The following WIPF1 variants were observed in gnomAD, a reference collection of about 807,000 sequenced individuals.
WIPF1 encodes WAS/WASL interacting protein family member 1, also known as WAS/WASL-interacting protein family member 1.
In WIPF1, 13 loss-of-function variants were observed where a neutral mutation model predicts 35.4. The observed-to-expected ratio is 0.37, with a 90% confidence interval of 0.24 to 0.58. WIPF1 has a LOEUF of 0.58. Among genes scored for constraint, WIPF1 ranks in the 20% least tolerant of loss-of-function variants. The pLI is 0.74. For missense variants in WIPF1, 591 were observed against 667.0 expected (o/e 0.89, Z 1.25); for synonymous variants, 267 against 266.3 (o/e 1.00, Z -0.02).
chr2:174,634,359 C>G (rs549851217), intron 1 of WIPF1, among the ~76,000 whole-genome samples: 6 of 152,312 alleles, frequency 3.9e-5, no homozygotes, highest in African/African-American at 1.4e-4. Flanking sequence ...GTTTGTTCCT[C>G]TAACAACGTG....
chr2:174,565,059 C>T (rs748351673), intron 7 of WIPF1, among the ~76,000 whole-genome samples: 26 of 152,060 alleles, frequency 1.7e-4, no homozygotes, highest in Non-Finnish European at 3.5e-4. Context: ...CTATGCCCGG[C>T]TAATTTTGTA....
At chr2:174,634,939 G>A (rs75423262) in intron 1 of WIPF1, among the ~76,000 whole-genome samples, 3,385 of 152,282 alleles carry the variant, frequency 0.022, 120 homozygotes, top group African/African-American at 0.075. Flanking sequence ...GGGCTTGGGT[G>A]CTCTGCTGTC....
intron 7 of WIPF1, among the ~76,000 whole-genome samples, chr2:174,563,302 T>G (rs1184323249): frequency 6.6e-6 from 1 of 152,222 alleles, no homozygotes; most frequent in Non-Finnish European, 1.5e-5. Context: ...CCAGTTGCAG[T>G]GGCTCACGCC....
At chr2:174,567,330 G>A in intron 6 of WIPF1, 147 bp from the exon 7 acceptor site, 1 of 739,832 alleles carries the variant, frequency 1.4e-6, no homozygotes. Flanking sequence ...AGCTGGAAGT[G>A]CTACAAAGGT....
At chr2:174,639,180 T>C (rs1457691956) in intron 1 of WIPF1, among the ~76,000 whole-genome samples, 1 of 152,234 alleles carries the variant, frequency 6.6e-6, no homozygotes, top group Non-Finnish European at 1.5e-5. Context: ...ACTGTGGTTT[T>C]GATTTGCATT....
At chr2:174,682,039 A>G (rs1688258174) in intron 1 of WIPF1, among the ~76,000 whole-genome samples, 1 of 152,254 alleles carries the variant, frequency 6.6e-6, no homozygotes, top group Admixed American at 6.5e-5. Context: ...TTCTTTCTTT[A>G]AAAAGAAAAG....
chr2:174,659,017 A>G (rs1687703782), intron 1 of WIPF1, among the ~76,000 whole-genome samples: 1 of 152,124 alleles, frequency 6.6e-6, no homozygotes, highest in South Asian at 2.1e-4. Context: ...GTACACAGAC[A>G]TTTTTGAGGA....
chr2:174,655,225 CCT>C (rs1323013420), intron 1 of WIPF1, among the ~76,000 whole-genome samples: 3 of 152,156 alleles, frequency 2.0e-5, no homozygotes, highest in Admixed American at 1.3e-4. Flanking sequence ...GAATCCATCC[CCT>C]GAGATCCATA....
At chr2:174,673,704 T>C (rs1267880695) in intron 1 of WIPF1, 2 of 152,138 alleles carry the variant, frequency 1.3e-5, no homozygotes, top group Non-Finnish European at 2.9e-5. Context: ...CAGGGGACAC[T>C]GATCTGGACA....
chr2:174,594,404 C>T (rs1369907700), intron 1 of WIPF1, among the ~76,000 whole-genome samples: 1 of 152,148 alleles, frequency 6.6e-6, no homozygotes, highest in Non-Finnish European at 1.5e-5. Flanking sequence ...CTATTGTGCA[C>T]ATTTAATTTT....
At chr2:174,581,175 G>A in intron 3 of WIPF1, 135 bp downstream of exon 3, 1 of 1,283,030 alleles carries the variant, frequency 7.8e-7, no homozygotes, top group Non-Finnish European at 1.1e-6. Flanking sequence ...GAGTGATACA[G>A]TCCCTTATTT....
intron 1 of WIPF1, among the ~76,000 whole-genome samples, chr2:174,670,716 T>C (rs763718767): frequency 9.2e-5 from 14 of 152,170 alleles, no homozygotes; most frequent in Admixed American, 6.5e-5. Context: ...GAATTACAAA[T>C]AGGAGGCTCA....
chr2:174,613,095 C>A (rs1469001440), intron 1 of WIPF1, among the ~76,000 whole-genome samples: 1 of 152,160 alleles, frequency 6.6e-6, no homozygotes, highest in African/African-American at 2.4e-5. Flanking sequence ...GCTCTTCCTG[C>A]CTCAAAGGCA....
At chr2:174,625,521 T>TTCACC (rs1559164906) in intron 1 of WIPF1, 2 of 152,198 alleles carry the variant, frequency 1.3e-5, no homozygotes, top group South Asian at 2.1e-4. Context: ...ACCACTTCAC[T>TTCACC]TCACCTCTCT....
chr2:174,630,684 G>A (rs1273489504), intron 1 of WIPF1: 1 of 152,090 alleles, frequency 6.6e-6, no homozygotes, highest in African/African-American at 2.4e-5. Context: ...CAGGCACATA[G>A]GCAATCCCTT....
intron 1 of WIPF1, among the ~76,000 whole-genome samples, chr2:174,667,715 A>G (rs191451541): frequency 2.4e-4 from 36 of 152,310 alleles, no homozygotes; most frequent in Non-Finnish European, 4.4e-4. Flanking sequence ...TCCTCCCAGC[A>G]GCCTAGCAAG....
At chr2:174,675,239 G>A (rs992106824) in intron 1 of WIPF1, among the ~76,000 whole-genome samples, 1 of 152,120 alleles carries the variant, frequency 6.6e-6, no homozygotes, top group Non-Finnish European at 1.5e-5. Flanking sequence ...TAGTATTTAA[G>A]GGAGATAGGA....
intron 1 of WIPF1, among the ~76,000 whole-genome samples, chr2:174,638,846 G>A (rs1029940967): frequency 7.9e-5 from 12 of 152,154 alleles, no homozygotes; most frequent in Admixed American, 2.6e-4. Flanking sequence ...CAATAAACAC[G>A]GAGGGCGGAT....
rs998985806 is a variant in WIPF1, at chr2:174,559,893, C to T, written c.*2654G>A. ...ATATGCAAATAATCTACTACTTAGA[C>T]ATAAAAAAAAGTTGATTTCTTTTAA... is the stretch of plus-strand genomic sequence containing the variant. On this transcript the variant is annotated 3_prime_UTR_variant, in exon 8 of 8. Coordinates refer to ENST00000679041, the MANE Select transcript of WIPF1 (RefSeq NM_001375834.1). 2 of 152,444 alleles carry T rather than the reference C, an allele frequency of 1.3e-5. No homozygotes were observed. Among genetic ancestry groups the T allele is most frequent in the African/African-American group, 4.8e-5 (2 of 41,388 alleles). The allele number at this position is 152,444 out of a possible 1,614,324, so 9.4% of individuals were successfully genotyped here. A position where few individuals can be genotyped will look rare whatever the true frequency, so the allele number is the denominator to read the frequency against.
Sources: gnomAD v4.1 joint callset for allele counts (sites outside exome capture counted in the v4.1 genomes callset) on GRCh38, gnomAD v4.1.1 for gene constraint, MANE v1.5 for transcripts, NCBI Gene and HGNC (gene_info 2026-07-23, HGNC 2026-07-21) for gene names.